Variants in DOCK5 observed in about 807,000 individuals in gnomAD.
DOCK5 encodes dedicator of cytokinesis protein 5.
Under a neutral mutation model 251.8 loss-of-function variants are expected in DOCK5, and 142 were observed. That is an observed-to-expected ratio of 0.56 (90% confidence interval 0.49 to 0.65). The LOEUF (loss-of-function observed/expected upper bound fraction) is 0.65. DOCK5 is among the 30% of genes least tolerant of loss of function. The pLI, the probability that DOCK5 is intolerant of heterozygous loss-of-function variation, is 0.00. For synonymous variants in DOCK5, 842 were observed against 835.5 expected (o/e 1.01, Z -0.13); for missense variants, 2,111 against 2,312.3 (o/e 0.91, Z 1.79).
At chr8:25,309,294 C>T (rs1805027739) in intron 12 of DOCK5, among the ~76,000 whole-genome samples, 1 of 152,172 alleles carries the variant, frequency 6.6e-6, no homozygotes, top group Non-Finnish European at 1.5e-5. Context: ...AAGCATCCTC[C>T]TACCTCAGCC....
At chr8:25,322,755 C>T (rs1805459872) in intron 16 of DOCK5, among the ~76,000 whole-genome samples, 1 of 152,206 alleles carries the variant, frequency 6.6e-6, no homozygotes, top group Non-Finnish European at 1.5e-5. Flanking sequence ...ACAAGGCTAG[C>T]ATATGACCAG....
At chr8:25,199,963 AT>A (rs11339514) in intron 1 of DOCK5, among the ~76,000 whole-genome samples, 129,410 of 152,156 alleles carry the variant, frequency 0.85, 55,350 homozygotes, top group Non-Finnish European at 0.87. Context: ...TTTGTTTTAG[AT>A]TTGTTAATTT....
chr8:25,273,748 C>T (rs1215815945), intron 3 of DOCK5, among the ~76,000 whole-genome samples: 3 of 152,140 alleles, frequency 2.0e-5, no homozygotes, highest in Non-Finnish European at 4.4e-5. Context: ...TGAGGGGTGG[C>T]GCATTGAGAA....
intron 1 of DOCK5, among the ~76,000 whole-genome samples, chr8:25,234,364 C>T (rs1485407677): frequency 6.6e-6 from 1 of 152,172 alleles, no homozygotes; most frequent in Admixed American, 6.6e-5. Flanking sequence ...GATCTGTTCA[C>T]CTTTTGTTTC....
At chr8:25,232,815 G>A (rs1359462618) in intron 1 of DOCK5, among the ~76,000 whole-genome samples, 1 of 152,110 alleles carries the variant, frequency 6.6e-6, no homozygotes, top group Non-Finnish European at 1.5e-5. Flanking sequence ...CGAGTACTTA[G>A]TACCCTTCTG....
At chr8:25,377,482 A>G (rs533667193) in intron 38 of DOCK5, 58 bp downstream of exon 38, 19 of 1,560,022 alleles carry the variant, frequency 1.2e-5, no homozygotes, top group South Asian at 4.8e-5. Context: ...CAGTATCGCA[A>G]TACAATTCTG....
intron 2 of DOCK5, among the ~76,000 whole-genome samples, chr8:25,254,635 CGTGGTG>C (rs1397066831): frequency 1.3e-5 from 2 of 151,514 alleles, no homozygotes; most frequent in Admixed American, 1.3e-4. Context: ...ATTAGCCGGG[CGTGGTG>C]GTGGCCAGCT....
At chr8:25,254,874 A>C (rs1271264389) in intron 2 of DOCK5, among the ~76,000 whole-genome samples, 5 of 151,436 alleles carry the variant, frequency 3.3e-5, no homozygotes, top group African/African-American at 1.2e-4. Context: ...AAAACAACCC[A>C]CTTAAAACAT....
chr8:25,190,756 T>G (rs936209163), intron 1 of DOCK5, among the ~76,000 whole-genome samples: 1 of 144,724 alleles, frequency 6.9e-6, no homozygotes, highest in Admixed American at 7.2e-5. Context: ...GAAGAAGGCC[T>G]GGCCTTAACT....
intron 24 of DOCK5, among the ~76,000 whole-genome samples, 151 bp downstream of exon 24, chr8:25,341,960 G>A (rs1805966143): frequency 6.6e-6 from 1 of 152,140 alleles, no homozygotes; most frequent in Admixed American, 6.5e-5. Context: ...AGATGCAAAA[G>A]AACATCCAAA....
chr8:25,317,929 A>G (rs981675681), intron 14 of DOCK5, among the ~76,000 whole-genome samples: 19 of 151,862 alleles, frequency 1.3e-4, no homozygotes, highest in African/African-American at 4.3e-4. Flanking sequence ...AGTTTTAATG[A>G]ACAGGAAACT....
intron 42 of DOCK5, 138 bp downstream of exon 42, chr8:25,390,425 A>T: frequency 1.5e-6 from 1 of 687,228 alleles, no homozygotes; most frequent in Non-Finnish European, 2.4e-6. Context: ...TGGGCAACAA[A>T]GTGGGATGCT....
In DOCK5 at chr8:25,410,922, C is replaced by CAAGAGAGAGA. The variant is rs1554512952; in HGVS notation, c.5509-272_5509-271insAAGAGAGAGA. 3.4e-3 allele frequency among the ~76,000 whole-genome samples: 327 copies of CAAGAGAGAGA among 97,078 alleles called. 3 individuals carry two copies. In the South Asian group the frequency reaches 0.054, roughly 16 times the overall value. 63.7% of individuals were successfully genotyped at this position (97,078 alleles called of 152,430 possible). A position where few individuals can be genotyped will look rare whatever the true frequency, so the allele number is the denominator to read the frequency against. On this transcript the variant is annotated intron_variant, in intron 51 of 51. Transcript: ENST00000276440. ...AACCCAAGTGTTGGGGATATGGCAG[C>CAAGAGAGAGA]GAGAGAGAGAGAGAAAATGTGTGTG...
intron 45 of DOCK5, among the ~76,000 whole-genome samples, chr8:25,396,761 TCC>T: frequency 9.9e-6 from 1 of 101,518 alleles, no homozygotes; most frequent in African/African-American, 3.2e-5. Flanking sequence ...CACTCTTGTG[TCC>T]GTGTGTGTGT....
intron 31 of DOCK5, 50 bp downstream of exon 31, chr8:25,367,020 T>G (rs1280832854): frequency 6.7e-7 from 1 of 1,488,236 alleles, no homozygotes; most frequent in Admixed American, 1.8e-5. Context: ...TTCCATTTGT[T>G]TACATTGAGA....
In DOCK5 at chr8:25,292,136, A is replaced by G. The variant is rs773623426; in HGVS notation, c.434A>G (p.Lys145Arg). The change falls in exon 6 of 52, where the codon AAG (lysine) becomes AGG (arginine). Residue 145 changes from lysine (K) to arginine (R), a missense_variant. Lys to Arg is a conservative substitution (Grantham distance 26). Transcript: ENST00000276440. ...CCCAAGGATGAACTGGCAGAGCTCA[A>G]GAAGAAAGTCACAGCCAAAATTGAT... ...TLPKDELAEL[K>R]KKVTAKIDHG... 6 of 1,584,452 alleles carry G rather than the reference A, an allele frequency of 3.8e-6. No individual in the cohort carries two copies. The Admixed American group carries it at 1.1e-4, about 29-fold the overall frequency.
chr8:25,278,771 TG>T, intron 5 of DOCK5, 106 bp downstream of exon 5: 1 of 997,038 alleles, frequency 1.0e-6, no homozygotes, highest in Non-Finnish European at 1.5e-6. Flanking sequence ...TGGAGTGGGA[TG>T]CATTCTCCCT....
At chr8:25,394,459 G>A (rs1339819985) in intron 44 of DOCK5, among the ~76,000 whole-genome samples, 3 of 151,202 alleles carry the variant, frequency 2.0e-5, no homozygotes, top group East Asian at 1.9e-4. Context: ...CTGTATATTC[G>A]AATACATCCT....
intron 2 of DOCK5, among the ~76,000 whole-genome samples, chr8:25,263,720 C>T (rs760022894): frequency 3.3e-5 from 5 of 151,710 alleles, no homozygotes; most frequent in Non-Finnish European, 7.4e-5. Context: ...CGTCTGCTCC[C>T]TTACACGGAT....
Sources: allele counts gnomAD v4.1 joint callset (sites outside exome capture counted in the v4.1 genomes callset), GRCh38; gene constraint gnomAD v4.1.1; transcripts MANE v1.5; gene names NCBI Gene and HGNC (gene_info 2026-07-23, HGNC 2026-07-21).